Variants in MAP4K3 observed in about 807,000 individuals in gnomAD.
MAP4K3 encodes mitogen-activated protein kinase kinase kinase kinase 3.
MAP4K3 carries 94 observed loss-of-function variants against 143.5 expected under a neutral mutation model. The observed-to-expected ratio is 0.65, with a 90% CI of 0.55 to 0.78. MAP4K3 has a LOEUF of 0.78. Among genes scored for constraint, MAP4K3 ranks in the 30% least tolerant of loss-of-function variants. The pLI, the probability that MAP4K3 is intolerant of heterozygous loss-of-function variation, is 0.00. For synonymous variants in MAP4K3, 416 were observed against 347.2 expected (o/e 1.20, Z -2.20); for missense variants, 1,077 against 1,068.1 (o/e 1.01, Z -0.12).
chr2:39,417,280 C>T (rs1667409684), intron 1 of MAP4K3, among the ~76,000 whole-genome samples: 2 of 148,488 alleles, frequency 1.3e-5, no homozygotes, highest in African/African-American at 5.0e-5. Context: ...AGGGCAGTGG[C>T]ACAATCTCGG....
chr2:39,252,509 T>C (rs1465722553), intron 32 of MAP4K3, among the ~76,000 whole-genome samples: 2 of 152,232 alleles, frequency 1.3e-5, no homozygotes, highest in African/African-American at 4.8e-5. Flanking sequence ...TTCTTCCCCA[T>C]TCTCTTGAAA....
At chr2:39,392,615 A>G (rs970003915) in intron 1 of MAP4K3, among the ~76,000 whole-genome samples, 4 of 152,196 alleles carry the variant, frequency 2.6e-5, no homozygotes, top group Admixed American at 1.3e-4. Flanking sequence ...AGCTGTCACT[A>G]TGGTCTGAAT....
chr2:39,422,108 T>C (rs1048245745), intron 1 of MAP4K3, among the ~76,000 whole-genome samples: 2 of 151,714 alleles, frequency 1.3e-5, no homozygotes, highest in Non-Finnish European at 2.9e-5. Flanking sequence ...CAGCTCAGCA[T>C]GGGTGCTCAA....
At chr2:39,356,815 T>C (rs948394175) in intron 2 of MAP4K3, among the ~76,000 whole-genome samples, 1 of 152,256 alleles carries the variant, frequency 6.6e-6, no homozygotes, top group East Asian at 1.9e-4. Flanking sequence ...AATCCATCAA[T>C]AGGAAATGTA....
chr2:39,293,353 C>A, intron 16 of MAP4K3, 85 bp from the exon 17 acceptor site: 1 of 912,476 alleles, frequency 1.1e-6, no homozygotes, highest in Non-Finnish European at 1.7e-6. Context: ...TTAACCTTAA[C>A]CATACATTTT....
At chr2:39,316,210 CTAAT>C (rs1683108538) in intron 12 of MAP4K3, among the ~76,000 whole-genome samples, 1 of 152,040 alleles carries the variant, frequency 6.6e-6, no homozygotes, top group Non-Finnish European at 1.5e-5. Flanking sequence ...CAGAGTCTAA[CTAAT>C]TAAATGTGAT....
intron 31 of MAP4K3, among the ~76,000 whole-genome samples, chr2:39,255,297 CATAG>C (rs760570612): frequency 2.6e-4 from 40 of 152,256 alleles, no homozygotes; most frequent in Non-Finnish European, 2.9e-4. Context: ...GGTAGACACC[CATAG>C]ATAGAATTAC....
chr2:39,250,928 G>C (rs1251272358), intron 33 of MAP4K3, among the ~76,000 whole-genome samples: 1 of 152,202 alleles, frequency 6.6e-6, no homozygotes, highest in African/African-American at 2.4e-5. Flanking sequence ...GTTCTTCTAA[G>C]AGTCAGAAGT....
intron 1 of MAP4K3, among the ~76,000 whole-genome samples, chr2:39,411,767 A>C (rs1387769389): frequency 6.6e-6 from 1 of 152,204 alleles, no homozygotes; most frequent in Non-Finnish European, 1.5e-5. Flanking sequence ...AATGAAAAAA[A>C]TGTGACGATC....
chr2:39,437,018 C>G lies in MAP4K3; in HGVS notation c.-31G>C. On this transcript the variant is annotated 5_prime_UTR_variant, in exon 1 of 34. Coordinates refer to ENST00000263881, the MANE Select transcript of MAP4K3 (RefSeq NM_003618.4). Reference sequence around the variant, plus strand: ...GCCCCAGGTGCCCCCCGCCTCCCTCCCGGGCAGGGGAGGGGGGCCGCTCAG... The same window carrying G: ...GCCCCAGGTGCCCCCCGCCTCCCTCGCGGGCAGGGGAGGGGGGCCGCTCAG... 2 of 1,586,986 alleles carry G rather than the reference C, an allele frequency of 1.3e-6. No homozygotes were observed. Among genetic ancestry groups the G allele is most frequent in the South Asian group, 2.2e-5 (2 of 89,708 alleles).
At chr2:39,252,662 G>C (rs1443157155) in intron 32 of MAP4K3, among the ~76,000 whole-genome samples, 1 of 152,106 alleles carries the variant, frequency 6.6e-6, no homozygotes, top group Non-Finnish European at 1.5e-5. Flanking sequence ...GAATTAGAAG[G>C]GCAGTTAGCA....
intron 2 of MAP4K3, among the ~76,000 whole-genome samples, chr2:39,366,641 C>T (rs1021938078): frequency 1.3e-5 from 2 of 152,052 alleles, no homozygotes; most frequent in Admixed American, 6.6e-5. Flanking sequence ...TGGAGGGGTT[C>T]GTTTAGATGG....
chr2:39,379,805 G>C (rs902568104), intron 1 of MAP4K3: 2 of 168,758 alleles, frequency 1.2e-5, no homozygotes, highest in Admixed American at 6.5e-5. Flanking sequence ...AGACAAATGT[G>C]AACTCAGAAA....
intron 4 of MAP4K3, among the ~76,000 whole-genome samples, chr2:39,338,005 T>C (rs1665023691): frequency 6.6e-6 from 1 of 151,982 alleles, no homozygotes; most frequent in Non-Finnish European, 1.5e-5. Flanking sequence ...TCAAGCAATC[T>C]TCCTGCCTCA....
chr2:39,390,031 G>A (rs1295291917), intron 1 of MAP4K3, among the ~76,000 whole-genome samples: 8 of 152,106 alleles, frequency 5.3e-5, no homozygotes, highest in Admixed American at 2.6e-4. Flanking sequence ...TGGGGTCTTA[G>A]GTTAGGTATG....
chr2:39,314,243 T>C (rs1347067341), intron 13 of MAP4K3, among the ~76,000 whole-genome samples: 1 of 152,084 alleles, frequency 6.6e-6, no homozygotes, highest in Non-Finnish European at 1.5e-5. Context: ...TTGGCCATGC[T>C]TGTCTTGAAC....
At chr2:39,415,995 A>T in intron 1 of MAP4K3, among the ~76,000 whole-genome samples, 1 of 104,352 alleles carries the variant, frequency 9.6e-6, no homozygotes, top group African/African-American at 3.8e-5. Context: ...ATATATATAT[A>T]TATATATATA....
At chr2:39,284,727 C>A (rs959058808) in intron 21 of MAP4K3, among the ~76,000 whole-genome samples, 4 of 151,324 alleles carry the variant, frequency 2.6e-5, no homozygotes, top group African/African-American at 9.7e-5. Flanking sequence ...ACCTGTAATC[C>A]CAGCTACTCA....
intron 1 of MAP4K3, among the ~76,000 whole-genome samples, chr2:39,416,729 C>T (rs1468316701): frequency 6.6e-6 from 1 of 152,216 alleles, no homozygotes; most frequent in Non-Finnish European, 1.5e-5. Context: ...TCTGAGATCA[C>T]TGAACCCTCT....
Sources: gnomAD v4.1 joint callset for allele counts (sites outside exome capture counted in the v4.1 genomes callset) on GRCh38, gnomAD v4.1.1 for gene constraint, MANE v1.5 for transcripts, NCBI Gene and HGNC (gene_info 2026-07-23, HGNC 2026-07-21) for gene names.